SNTB2: variants seen among roughly 807,000 people sequenced by gnomAD.
The protein encoded by SNTB2 is beta-2-syntrophin.
Under a neutral mutation model 46.2 loss-of-function variants are expected in SNTB2, and 34 were observed. That is an observed-to-expected ratio of 0.74 (90% confidence interval 0.56 to 0.98). The LOEUF is 0.98. SNTB2 is among the 50% of genes least tolerant of loss of function. SNTB2 has a pLI of 0.00. For missense variants in SNTB2, 603 were observed against 731.4 expected (o/e 0.82, Z 2.02); for synonymous variants, 290 against 312.6 (o/e 0.93, Z 0.76).
intron 1 of SNTB2, among the ~76,000 whole-genome samples, chr16:69,197,265 A>T (rs927675314): frequency 6.6e-6 from 1 of 152,136 alleles, no homozygotes; most frequent in African/African-American, 2.4e-5. Context: ...AGTAGTAGGA[A>T]TGTATTTTGG....
intron 5 of SNTB2, among the ~76,000 whole-genome samples, chr16:69,285,993 A>G (rs1402706824): frequency 2.0e-5 from 3 of 151,862 alleles, no homozygotes; most frequent in South Asian, 2.1e-4. Context: ...GGGTTTCACC[A>G]TATTGGCCAG....
At chr16:69,238,384 C>T (rs142239374) in intron 1 of SNTB2, among the ~76,000 whole-genome samples, 168 of 152,306 alleles carry the variant, frequency 1.1e-3, no homozygotes, top group African/African-American at 3.6e-3. Context: ...GGATACTACA[C>T]TCTATTTTTC....
At position 69,299,615 on chromosome 16, in the gene SNTB2, G is replaced by A. The variant is rs893155142; in HGVS notation, c.1371G>A (p.Val457=). 5 of 1,614,032 alleles carry A rather than the reference G, an allele frequency of 3.1e-6. No individual in the cohort carries two copies. The highest frequency in any genetic ancestry group is 4.2e-6 in the Non-Finnish European group (5 of 1,180,030). ...GCTGCATGTTAAATGGCCAAGAGGTGAGGCTTACTATTCACTATGAAAATG... is the reference window on the plus strand; with the variant it reads ...GCTGCATGTTAAATGGCCAAGAGGTAAGGCTTACTATTCACTATGAAAATG... The part of the protein sequence containing the change: ...SLGCMLNGQE[V]RLTIHYENGF... Residue 457 remains valine, a synonymous_variant, in exon 6 of 7, where the codon GTG becomes GTA. Coordinates refer to ENST00000336278, the MANE Select transcript of SNTB2 (RefSeq NM_006750.4).
intron 5 of SNTB2, among the ~76,000 whole-genome samples, chr16:69,285,350 ATCTC>A (rs940134206): frequency 7.2e-6 from 1 of 138,124 alleles, no homozygotes; most frequent in Admixed American, 7.1e-5. Context: ...TTTATAGTTC[ATCTC>A]TCTTTTTTTT....
rs150250503 is a variant in SNTB2, at chr16:69,270,229, G to A, written c.1092G>A (p.Pro364=). ...ATTTGCTGCTCTATGACTGTATGCC[G>A]TGGACAAGAGATGCCTGGGCGTCAC... is the stretch of plus-strand genomic sequence containing the variant. The part of the protein sequence containing the change: ...EKDLLLYDCM[P]WTRDAWASPC... The change falls in exon 4 of 7, where the codon CCG becomes CCA. Residue 364 remains proline, a synonymous_variant. Coordinates refer to ENST00000336278, the MANE Select transcript of SNTB2 (RefSeq NM_006750.4). 4,593 of 1,614,024 alleles carry A rather than the reference G, an allele frequency of 2.8e-3. 10 individuals carry two copies. Among genetic ancestry groups the A allele is most frequent in the Non-Finnish European group, 3.6e-3 (4,255 of 1,180,016 alleles).
intron 1 of SNTB2, among the ~76,000 whole-genome samples, chr16:69,210,068 C>T (rs1347462790): frequency 2.1e-5 from 3 of 144,740 alleles, no homozygotes; most frequent in Non-Finnish European, 4.5e-5. Flanking sequence ...TTTTGTTGCC[C>T]AGGCTGGAGT....
At chr16:69,209,054 T>TGCAA (rs1209649341) in intron 1 of SNTB2, among the ~76,000 whole-genome samples, 1 of 151,890 alleles carries the variant, frequency 6.6e-6, no homozygotes, top group African/African-American at 2.4e-5. Flanking sequence ...CTCAGCTCAC[T>TGCAA]GCAAGCTCCG....
intron 2 of SNTB2, among the ~76,000 whole-genome samples, chr16:69,253,960 C>G (rs1230863181): frequency 6.6e-6 from 1 of 152,094 alleles, no homozygotes; most frequent in Non-Finnish European, 1.5e-5. Flanking sequence ...TGATTCCTAT[C>G]TGTAGTGCTA....
intron 1 of SNTB2, among the ~76,000 whole-genome samples, chr16:69,214,208 G>A (rs1442159188): frequency 2.7e-5 from 4 of 150,188 alleles, no homozygotes; most frequent in Admixed American, 2.0e-4. Context: ...TCGGCTCACT[G>A]CAACCTCCAT....
intron 1 of SNTB2, among the ~76,000 whole-genome samples, chr16:69,234,061 G>A (rs72795251): frequency 0.051 from 7,767 of 152,056 alleles, 281 homozygotes; most frequent in Non-Finnish European, 0.077. Flanking sequence ...GGCCAGGCAT[G>A]GTGACTGCGC....
At chr16:69,269,046 A>G (rs1964912968) in intron 3 of SNTB2, among the ~76,000 whole-genome samples, 1 of 151,548 alleles carries the variant, frequency 6.6e-6, no homozygotes, top group Non-Finnish European at 1.5e-5. Context: ...GCACATGCCT[A>G]TAATCCCAGC....
At chr16:69,295,314 A>G (rs533064109) in intron 5 of SNTB2, among the ~76,000 whole-genome samples, 13 of 120,732 alleles carry the variant, frequency 1.1e-4, no homozygotes, top group Non-Finnish European at 1.7e-4. Context: ...CCCGATCTTG[A>G]TCTCTGCTCA....
At chr16:69,210,249 GT>G (rs906826618) in intron 1 of SNTB2, among the ~76,000 whole-genome samples, 3 of 148,174 alleles carry the variant, frequency 2.0e-5, no homozygotes, top group Admixed American at 6.7e-5. Flanking sequence ...TTTTGGTTTG[GT>G]TTTTTGAGAT....
At chr16:69,210,770 A>G (rs1384095215) in intron 1 of SNTB2, among the ~76,000 whole-genome samples, 2 of 152,074 alleles carry the variant, frequency 1.3e-5, no homozygotes, top group Non-Finnish European at 2.9e-5. Context: ...AGGTGGGCGG[A>G]TCCCCTGAGG....
At chr16:69,295,530 G>A (rs951290233) in intron 5 of SNTB2, among the ~76,000 whole-genome samples, 1 of 151,988 alleles carries the variant, frequency 6.6e-6, no homozygotes, top group Non-Finnish European at 1.5e-5. Flanking sequence ...TTACAGGCGT[G>A]AGCCACCGCG....
At chr16:69,222,421 C>T (rs1227078659) in intron 1 of SNTB2, among the ~76,000 whole-genome samples, 2 of 151,750 alleles carry the variant, frequency 1.3e-5, no homozygotes, top group Non-Finnish European at 2.9e-5. Context: ...GGTGAAACCC[C>T]GTCTCTACTA....
At chr16:69,227,813 A>C (rs1402308099) in intron 1 of SNTB2, among the ~76,000 whole-genome samples, 2 of 151,902 alleles carry the variant, frequency 1.3e-5, no homozygotes, top group Non-Finnish European at 2.9e-5. Context: ...AGGGGAGACA[A>C]AGAATGGTTA....
At chr16:69,244,578 G>A (rs774108215) in intron 1 of SNTB2, among the ~76,000 whole-genome samples, 1 of 152,164 alleles carries the variant, frequency 6.6e-6, no homozygotes, top group Non-Finnish European at 1.5e-5. Context: ...AGTAATTGTA[G>A]TCATGACTGA....
At chr16:69,270,338 C>G in intron 4 of SNTB2, 53 bp downstream of exon 4, 1 of 1,598,006 alleles carries the variant, frequency 6.3e-7, no homozygotes, top group Non-Finnish European at 8.6e-7. Flanking sequence ...TCTAAATCTA[C>G]AAAAGAATTT....
Sources: allele counts gnomAD v4.1 joint callset (sites outside exome capture counted in the v4.1 genomes callset), GRCh38; gene constraint gnomAD v4.1.1; transcripts MANE v1.5; gene names NCBI Gene and HGNC (gene_info 2026-07-23, HGNC 2026-07-21).